SCHIP1: variants seen among roughly 807,000 people sequenced by gnomAD.
The protein encoded by SCHIP1 is schwannomin-interacting protein 1.
Under a neutral mutation model 29.7 loss-of-function variants are expected in SCHIP1, and 8 were observed. The observed-to-expected ratio is 0.27, with a 90% confidence interval of 0.16 to 0.49. The LOEUF (loss-of-function observed/expected upper bound fraction) is 0.49. Ranked by LOEUF, SCHIP1 falls within the 20% of genes least tolerant of loss-of-function variation. The pLI is 0.99. For synonymous variants in SCHIP1, 76 were observed against 94.9 expected (o/e 0.80, Z 1.16); for missense variants, 193 against 294.6 (o/e 0.66, Z 2.52).
the SCHIP1 span, among the ~76,000 whole-genome samples, chr3:159,471,625 A>G: frequency 6.6e-6 from 1 of 152,256 alleles, no homozygotes; most frequent in East Asian, 1.9e-4. Context: ...AACAATGAGA[A>G]GATGATATTC....
At chr3:159,511,692 A>G in the SCHIP1 span, among the ~76,000 whole-genome samples, 2 of 152,162 alleles carry the variant, frequency 1.3e-5, no homozygotes, top group Non-Finnish European at 2.9e-5. Flanking sequence ...GAAAATCCCA[A>G]CGCAGAAGTA....
At chr3:159,509,445 T>C in the SCHIP1 span, among the ~76,000 whole-genome samples, 4 of 152,228 alleles carry the variant, frequency 2.6e-5, no homozygotes, top group Non-Finnish European at 5.9e-5. Context: ...TGTCTTTTAA[T>C]TGGAGCATTT....
At chr3:159,573,436 C>T in the SCHIP1 span, among the ~76,000 whole-genome samples, 1 of 152,036 alleles carries the variant, frequency 6.6e-6, no homozygotes, top group South Asian at 2.1e-4. Flanking sequence ...GAATATTGGC[C>T]CCCACTCTCT....
At chr3:159,674,692 A>G in the SCHIP1 span, among the ~76,000 whole-genome samples, 2 of 151,666 alleles carry the variant, frequency 1.3e-5, no homozygotes, top group African/African-American at 4.8e-5. Flanking sequence ...GGCAAGGTGT[A>G]TATAAGCAAG....
chr3:159,397,268 GTCC>G, the SCHIP1 span, among the ~76,000 whole-genome samples: 1 of 151,990 alleles, frequency 6.6e-6, no homozygotes, highest in African/African-American at 2.4e-5. Flanking sequence ...TGGTTTGAAT[GTCC>G]TCCTGTAGCT....
chr3:159,523,542 T>C, the SCHIP1 span, among the ~76,000 whole-genome samples: 1 of 152,022 alleles, frequency 6.6e-6, no homozygotes, highest in Non-Finnish European at 1.5e-5. Flanking sequence ...TGTCTGATAG[T>C]GTATGTCTGT....
At chr3:159,277,120 G>A in the SCHIP1 span, among the ~76,000 whole-genome samples, 27 of 152,044 alleles carry the variant, frequency 1.8e-4, no homozygotes, top group Admixed American at 1.0e-3. Flanking sequence ...TTTAGTGCTC[G>A]ATCTCTGACT....
chr3:159,668,889 A>C, the SCHIP1 span, among the ~76,000 whole-genome samples: 1 of 152,030 alleles, frequency 6.6e-6, no homozygotes, highest in African/African-American at 2.4e-5. Flanking sequence ...CTATTCCAGA[A>C]TGCTAATGCT....
the SCHIP1 span, among the ~76,000 whole-genome samples, chr3:159,504,923 A>G: frequency 6.6e-6 from 1 of 152,206 alleles, no homozygotes; most frequent in South Asian, 2.1e-4. Context: ...TGCCCATGGC[A>G]TAACACATAA....
chr3:159,861,393 C>T lies in SCHIP1; in HGVS notation c.31-4770C>T, dbSNP rs1714046626. ...CTCTTTATTTCATTACTGAATGCCC[C>T]TCTTTGTTCTTGTCCAGATTGGGGA... On this transcript the variant is annotated intron_variant, in intron 1 of 6. Transcript: ENST00000445224. The surrounding 1 kb of genome is among the most constrained non-coding windows in gnomAD (Gnocchi z 4.1). 6.6e-6 allele frequency among the ~76,000 whole-genome samples: 1 copy of T among 152,190 alleles called. No homozygotes were observed. Among genetic ancestry groups the T allele is most frequent in the Admixed American group, 6.5e-5 (1 of 15,284 alleles).
At chr3:159,801,201 C>T in the SCHIP1 span, among the ~76,000 whole-genome samples, 2 of 152,046 alleles carry the variant, frequency 1.3e-5, no homozygotes, top group South Asian at 4.1e-4. Context: ...TTTCTGTATA[C>T]AAGTATTTTA....
At chr3:159,771,043 T>C in the SCHIP1 span, among the ~76,000 whole-genome samples, 1 of 152,260 alleles carries the variant, frequency 6.6e-6, no homozygotes, top group African/African-American at 2.4e-5. Flanking sequence ...CAAATTCTTC[T>C]GACGAAGTTA....
intron 2 of SCHIP1, among the ~76,000 whole-genome samples, chr3:159,878,832 T>A (rs199660980): frequency 2.7e-5 from 4 of 147,784 alleles, no homozygotes; most frequent in African/African-American, 9.9e-5. Context: ...AAAAAATAAA[T>A]AAAAATAAAT....
chr3:159,489,880 A>AC, the SCHIP1 span, among the ~76,000 whole-genome samples: 1 of 152,078 alleles, frequency 6.6e-6, no homozygotes, highest in South Asian at 2.1e-4. Flanking sequence ...TATTAAAAAA[A>AC]TTATATATTT....
the SCHIP1 span, among the ~76,000 whole-genome samples, chr3:159,367,202 G>A: frequency 1.3e-5 from 2 of 152,256 alleles, no homozygotes; most frequent in Admixed American, 6.5e-5. Flanking sequence ...AGACCAGCCT[G>A]ACCAACGTGG....
the SCHIP1 span, among the ~76,000 whole-genome samples, chr3:159,290,629 T>A: frequency 6.6e-6 from 1 of 152,042 alleles, no homozygotes; most frequent in Admixed American, 6.6e-5. Context: ...TTATTTCAGG[T>A]GACTTTGGGA....
chr3:159,288,488 A>G, the SCHIP1 span, among the ~76,000 whole-genome samples: 1 of 152,180 alleles, frequency 6.6e-6, no homozygotes, highest in Admixed American at 6.5e-5. Context: ...CTGTAACCCC[A>G]GCACTTTGGG....
chr3:159,796,018 A>G, the SCHIP1 span, among the ~76,000 whole-genome samples: 1 of 152,240 alleles, frequency 6.6e-6, no homozygotes, highest in Non-Finnish European at 1.5e-5. Flanking sequence ...AGCAAGCCAT[A>G]TGAATGTGTA....
the SCHIP1 span, among the ~76,000 whole-genome samples, chr3:159,737,833 C>T: frequency 6.6e-6 from 1 of 152,158 alleles, no homozygotes; most frequent in African/African-American, 2.4e-5. Context: ...GGGATGGGTG[C>T]TCGGTGGGAG....
Sources: gnomAD v4.1 joint callset for allele counts (sites outside exome capture counted in the v4.1 genomes callset) on GRCh38, gnomAD v4.1.1 for gene constraint, Gnocchi (gnomAD v3.1) non-coding constraint, MANE v1.5 for transcripts, NCBI Gene and HGNC (gene_info 2026-07-23, HGNC 2026-07-21) for gene names.